CALCOCO2: variants seen among roughly 807,000 people sequenced by gnomAD.
CALCOCO2 encodes calcium-binding and coiled-coil domain-containing protein 2.
Under a neutral mutation model 62.5 loss-of-function variants are expected in CALCOCO2, and 42 were observed. The observed-to-expected ratio is 0.67, with a 90% confidence interval of 0.53 to 0.87. The LOEUF is 0.87. Ranked by LOEUF, CALCOCO2 falls within the 40% of genes least tolerant of loss-of-function variation. The pLI is 0.00. For missense variants in CALCOCO2, 456 were observed against 515.0 expected (o/e 0.89, Z 1.11); for synonymous variants, 167 against 173.0 (o/e 0.97, Z 0.27).
At chr17:48,848,651 C>T (rs577551980) in intron 4 of CALCOCO2, 196 bp downstream of exon 4, 2 of 627,542 alleles carry the variant, frequency 3.2e-6, no homozygotes, top group Non-Finnish European at 5.7e-6. Context: ...GTGGTTTCTT[C>T]TTTTCTAAAA....
intron 1 of CALCOCO2, among the ~76,000 whole-genome samples, chr17:48,835,975 TC>T (rs1205886137): frequency 6.6e-6 from 1 of 152,128 alleles, no homozygotes; most frequent in Non-Finnish European, 1.5e-5. Flanking sequence ...GGCCTCGAAC[TC>T]CTTACCTCAA....
intron 5 of CALCOCO2, 21 bp from the exon 6 acceptor site, chr17:48,851,068 T>G: frequency 7.3e-7 from 1 of 1,374,348 alleles, no homozygotes; most frequent in Middle Eastern, 1.8e-4. Context: ...TCTGTCCCTT[T>G]GATGTTGTTT....
intron 10 of CALCOCO2, among the ~76,000 whole-genome samples, chr17:48,858,653 C>T (rs1466869694): frequency 6.6e-6 from 1 of 151,560 alleles, no homozygotes; most frequent in Non-Finnish European, 1.5e-5. Flanking sequence ...TTAATTTATA[C>T]CTTGAGTTTG....
At chr17:48,852,817 C>A in intron 8 of CALCOCO2, 109 bp from the exon 9 acceptor site, 1 of 988,096 alleles carries the variant, frequency 1.0e-6, no homozygotes. Flanking sequence ...AGAAGACTTG[C>A]CTCTCCCTAT....
intron 2 of CALCOCO2, among the ~76,000 whole-genome samples, chr17:48,844,867 C>T (rs1037997829): frequency 2.0e-5 from 3 of 151,852 alleles, no homozygotes; most frequent in East Asian, 2.0e-4. Flanking sequence ...TGTCCAGGTG[C>T]GGTGGCTCAC....
intron 5 of CALCOCO2, among the ~76,000 whole-genome samples, chr17:48,850,205 A>C (rs2040107777): frequency 6.6e-6 from 1 of 152,214 alleles, no homozygotes; most frequent in African/African-American, 2.4e-5. Context: ...AGGCTGAGGC[A>C]GGAGAATTGC....
intron 11 of CALCOCO2, among the ~76,000 whole-genome samples, chr17:48,861,311 G>A (rs1010918434): frequency 4.6e-5 from 7 of 151,976 alleles, no homozygotes; most frequent in Admixed American, 2.6e-4. Flanking sequence ...CCGCCTCCTG[G>A]GCTCACCTGA....
In CALCOCO2 at chr17:48,863,212, A is replaced by G. The variant is rs1388481559; in HGVS notation, c.*207A>G. The G allele has an allele frequency of 1.9e-6, 1 of 527,226 alleles. No homozygotes were observed. Among genetic ancestry groups the G allele is most frequent in the African/African-American group, 1.9e-5 (1 of 52,208 alleles). 32.7% of individuals were successfully genotyped at this position (527,226 alleles called of 1,614,324 possible). A position where few individuals can be genotyped will look rare whatever the true frequency, so the allele number is the denominator to read the frequency against. On this transcript the variant is annotated 3_prime_UTR_variant, in exon 13 of 13. Transcript: ENST00000258947. ...CCATCCTTGTGGGTTGCTACCTTTAAGTCGCATAACTCTAGCTGTATCATC... is the reference window on the plus strand; with the variant it reads ...CCATCCTTGTGGGTTGCTACCTTTAGGTCGCATAACTCTAGCTGTATCATC...
intron 9 of CALCOCO2, among the ~76,000 whole-genome samples, chr17:48,854,293 G>A (rs1437716455): frequency 2.3e-4 from 24 of 103,588 alleles, no homozygotes; most frequent in African/African-American, 8.8e-4. Context: ...TCCAGCTGGG[G>A]CGACAGAGCG....
In CALCOCO2 at chr17:48,862,703, A is replaced by T. The variant is rs920004574; in HGVS notation, c.1174-135A>T. On this transcript the variant is annotated intron_variant, in intron 12 of 12. Transcript: ENST00000258947. ...CTTCAAATGTGCATTCTCTTCATTC[A>T]TTCACTATTTCTTGAGTGCCTAACC... 16 of 702,392 alleles carry T rather than the reference A, an allele frequency of 2.3e-5. No homozygotes were observed. In the South Asian group the frequency reaches 2.4e-4, roughly 11 times the overall value. The allele number at this position is 702,392 out of a possible 1,614,324, so 43.5% of individuals were successfully genotyped here. A position where few individuals can be genotyped will look rare whatever the true frequency, so the allele number is the denominator to read the frequency against.
chr17:48,858,034 GAATAGAATAGAAAA>G (rs2040257629), intron 10 of CALCOCO2, among the ~76,000 whole-genome samples: 1 of 24,432 alleles, frequency 4.1e-5, no homozygotes, highest in African/African-American at 8.7e-5. Flanking sequence ...GAATAGAATA[GAATAGAATAGAAAA>G]TAGAATAGAA....
At chr17:48,857,053 C>T (rs537375790) in intron 10 of CALCOCO2, among the ~76,000 whole-genome samples, 22 of 151,910 alleles carry the variant, frequency 1.4e-4, no homozygotes, top group Non-Finnish European at 2.9e-4. Flanking sequence ...CCTCCTGCCT[C>T]GGCCTCCCAA....
chr17:48,838,224 G>A (rs1025129613), intron 1 of CALCOCO2, among the ~76,000 whole-genome samples: 7 of 152,192 alleles, frequency 4.6e-5, no homozygotes, highest in Admixed American at 2.0e-4. Flanking sequence ...TAATTAGATC[G>A]TCACAAAACA....
In CALCOCO2 at chr17:48,841,836, C is replaced by A. The variant is rs202108136; in HGVS notation, c.129C>A (p.Thr43=). ...IPGGDVTCHY[T]FTQHFIPRRK... The stretch of plus-strand genomic sequence containing the variant: ...GAGGGGACGTCACATGTCATTATAC[C>A]TTCACCCAGCATTTCATCCCTCGTC... Residue 43 remains threonine (T), a synonymous_variant, in exon 2 of 13, where the codon ACC becomes ACA. Transcript: ENST00000258947. The A allele has an allele frequency of 3.8e-4, 617 of 1,613,384 alleles. 1 individual carries two copies. Among genetic ancestry groups the A allele is most frequent in the Non-Finnish European group, 5.1e-4 (603 of 1,179,566 alleles).
rs182495082 is a variant in CALCOCO2, at chr17:48,863,758, G to A, written c.*753G>A. ...GGTTTGCAGTTTTCTGAGTAGGTGA[G>A]TTTTGAATATGGGTAAATCAGAATA... On this transcript the variant is annotated 3_prime_UTR_variant, in exon 13 of 13. Coordinates refer to ENST00000258947, the MANE Select transcript of CALCOCO2 (RefSeq NM_005831.5). The A allele has an allele frequency of 6.6e-6, 1 of 152,320 alleles. No individual in the cohort carries two copies. The highest frequency in any genetic ancestry group is 1.9e-4 in the East Asian group (1 of 5,188). The allele number at this position is 152,320 out of a possible 1,614,324, so 9.4% of individuals were successfully genotyped here.
intron 9 of CALCOCO2, among the ~76,000 whole-genome samples, chr17:48,853,902 G>A (rs1276466259): frequency 1.3e-5 from 2 of 152,176 alleles, no homozygotes; most frequent in Non-Finnish European, 2.9e-5. Context: ...CCATCTAGCT[G>A]CAGTCTGCAC....
At chr17:48,844,883 T>C (rs575741973) in intron 2 of CALCOCO2, among the ~76,000 whole-genome samples, 30 of 152,106 alleles carry the variant, frequency 2.0e-4, no homozygotes, top group African/African-American at 7.0e-4. Flanking sequence ...CTCACGCCTG[T>C]AATCCCAGGA....
chr17:48,857,974 CAA>C (rs2040245357), intron 10 of CALCOCO2, among the ~76,000 whole-genome samples: 1 of 40,132 alleles, frequency 2.5e-5, no homozygotes, highest in African/African-American at 7.4e-5. Flanking sequence ...AAGACTACAT[CAA>C]TAGAATAGAA....
At chr17:48,856,664 CAT>C (rs2040219813) in intron 10 of CALCOCO2, 5 of 451,936 alleles carry the variant, frequency 1.1e-5, no homozygotes, top group Non-Finnish European at 2.2e-5. Context: ...TTCATTCATT[CAT>C]TCATTGGTTC....
Sources: allele counts gnomAD v4.1 joint callset (sites outside exome capture counted in the v4.1 genomes callset), GRCh38; gene constraint gnomAD v4.1.1; transcripts MANE v1.5; gene names NCBI Gene and HGNC (gene_info 2026-07-23, HGNC 2026-07-21).